The following TACC2 variants were observed in gnomAD, a reference collection of about 807,000 sequenced individuals.
TACC2 encodes transforming acidic coiled-coil containing protein 2.
A neutral mutation model predicts 227.3 loss-of-function variants in TACC2; 137 were observed. The observed-to-expected ratio is 0.60, with a 90% CI of 0.52 to 0.69. The LOEUF is 0.69. TACC2 is among the 30% of genes least tolerant of loss of function. The probability of loss-of-function intolerance (pLI) is 0.00; values close to 1 mark genes in which losing one functional copy is unlikely to be tolerated. For missense variants in TACC2, 3,470 were observed against 3,694.4 expected, an observed-to-expected ratio of 0.94 and a Z score of 1.57; for synonymous variants, 1,523 against 1,487.5, an observed-to-expected ratio of 1.02 and a Z score of -0.55.
chr10:122,119,443 C>T (rs570903982), intron 5 of TACC2, among the ~76,000 whole-genome samples: 80 of 152,266 alleles, frequency 5.3e-4, no homozygotes, highest in Non-Finnish European at 9.8e-4. Context: ...GGTGAGTCAG[C>T]GCACCTGTGG....
At chr10:122,020,954 G>A (rs978505984) in intron 1 of TACC2, among the ~76,000 whole-genome samples, 2 of 152,244 alleles carry the variant, frequency 1.3e-5, no homozygotes, top group Admixed American at 6.5e-5. Context: ...TTAATAGGCC[G>A]GGCGCGGTGG....
rs745336794 is a variant in TACC2, at chr10:122,084,559, A to G, written c.2059A>G (p.Ile687Val). 3 of 1,613,638 alleles carry G rather than the reference A, an allele frequency of 1.9e-6. No individual in the cohort carries two copies. In the Admixed American group the frequency reaches 5.0e-5, roughly 27 times the overall value. ...AGEPTVPEGA[I>V]WEGSGLQPKC... ...TGAGCCCACTGTTCCCGAAGGAGCC[A>G]TCTGGGAGGGGTCAGGATTGCAGCC... Residue 687 changes from isoleucine to valine, a missense_variant, in exon 4 of 23, where the codon ATC (isoleucine) becomes GTC (valine). Physicochemically the swap from Ile to Val is conservative, Grantham distance 29. Around this residue, in one of 10 missense-constraint regions of TACC2, gnomAD observed 1,924 missense variants for 1,978.3 expected, o/e 0.97. Transcript: ENST00000369005.
chr10:122,169,427 G>T (rs1437825953), intron 7 of TACC2, among the ~76,000 whole-genome samples: 1 of 152,232 alleles, frequency 6.6e-6, no homozygotes, highest in African/African-American at 2.4e-5. Context: ...TTCTGTAAAA[G>T]ACCTCATAGT....
At chr10:122,051,689 G>C (rs1339159603) in intron 3 of TACC2, 1 of 151,298 alleles carries the variant, frequency 6.6e-6, no homozygotes, top group African/African-American at 2.4e-5. Context: ...TGGAATGATA[G>C]GCCCCTGTCA....
intron 8 of TACC2, among the ~76,000 whole-genome samples, chr10:122,199,918 C>A (rs980849430): frequency 3.3e-5 from 5 of 152,200 alleles, no homozygotes; most frequent in African/African-American, 1.2e-4. Flanking sequence ...GGGCACTAAT[C>A]CACTCATGAG....
At chr10:122,163,667 G>GCTCGCCGGC in intron 7 of TACC2, 2 of 1,057,840 alleles carry the variant, frequency 1.9e-6, no homozygotes, top group Non-Finnish European at 2.3e-6. Flanking sequence ...GCAGAGCCGC[G>GCTCGCCGGC]CACGCCGGCC....
intron 3 of TACC2, among the ~76,000 whole-genome samples, chr10:122,073,881 A>G (rs1047315091): frequency 2.6e-5 from 4 of 151,828 alleles, no homozygotes; most frequent in East Asian, 3.9e-4. Flanking sequence ...CTGGGTTCAC[A>G]CCATTCTCCT....
chr10:122,086,881 A>C lies in TACC2; in HGVS notation c.4381A>C (p.Thr1461Pro). ...LLDGPPGVDVTLLPAPPARLQ... is the reference protein window; with the variant it reads ...LLDGPPGVDVPLLPAPPARLQ... Reference sequence around the variant, plus strand: ...AGATGGGCCTCCAGGAGTGGATGTCACCCTTCTCCCTGCACCTCCTGCTCG... The same window carrying C: ...AGATGGGCCTCCAGGAGTGGATGTCCCCCTTCTCCCTGCACCTCCTGCTCG... Residue 1461 changes from threonine (T) to proline (P), a missense_variant, in exon 4 of 23, where the codon ACC becomes CCC. By Grantham distance (38) the Thr-to-Pro change is conservative (BLOSUM62 -1). Transcript: ENST00000369005. The C allele has an allele frequency of 6.2e-7, 1 of 1,613,862 alleles. No individual in the cohort carries two copies. Among genetic ancestry groups the C allele is most frequent in the Non-Finnish European group, 8.5e-7 (1 of 1,179,976 alleles).
intron 14 of TACC2, among the ~76,000 whole-genome samples, chr10:122,228,567 C>G (rs2095672095): frequency 1.3e-5 from 2 of 152,300 alleles, no homozygotes; most frequent in South Asian, 4.1e-4. Flanking sequence ...ATGCCACGGT[C>G]TTCCACACAT....
intron 2 of TACC2, among the ~76,000 whole-genome samples, chr10:122,041,441 CTTTTT>C (rs537169387): frequency 1.4e-5 from 2 of 140,190 alleles, no homozygotes; most frequent in Non-Finnish European, 3.1e-5. Flanking sequence ...AGTTTCCTTT[CTTTTT>C]TTTTTTTTTT....
chr10:122,004,630 T>G (rs1954838364), intron 1 of TACC2, among the ~76,000 whole-genome samples: 1 of 152,072 alleles, frequency 6.6e-6, no homozygotes. Context: ...TTTTTCCACA[T>G]TCCTATGATT....
chr10:122,128,808 A>T (rs1246139636), intron 5 of TACC2, among the ~76,000 whole-genome samples: 1 of 152,184 alleles, frequency 6.6e-6, no homozygotes, highest in Non-Finnish European at 1.5e-5. Flanking sequence ...ACCGAAAGAG[A>T]ATTACCGTTA....
intron 7 of TACC2, among the ~76,000 whole-genome samples, chr10:122,181,879 CT>C (rs11415310): frequency 6.6e-6 from 1 of 151,930 alleles, no homozygotes; most frequent in Non-Finnish European, 1.5e-5. Flanking sequence ...TATTCTTTTT[CT>C]TTTTTTTATC....
At chr10:122,168,079 T>G (rs2093285306) in intron 7 of TACC2, among the ~76,000 whole-genome samples, 1 of 20,666 alleles carries the variant, frequency 4.8e-5, no homozygotes, top group Non-Finnish European at 8.4e-5. Context: ...TTTTAAATAA[T>G]TTTTTGTAGA....
At chr10:122,125,732 C>T (rs1010321603) in intron 5 of TACC2, among the ~76,000 whole-genome samples, 2 of 149,762 alleles carry the variant, frequency 1.3e-5, no homozygotes, top group African/African-American at 4.9e-5. Context: ...TGTAATCAGT[C>T]AGCATTTGGT....
At chr10:122,142,388 G>C (rs529784247) in intron 6 of TACC2, among the ~76,000 whole-genome samples, 1 of 152,358 alleles carries the variant, frequency 6.6e-6, no homozygotes, top group South Asian at 2.1e-4. Flanking sequence ...AGGCCAGGAC[G>C]GTGAGGGGCT....
At chr10:122,037,412 C>T (rs1163999578) in intron 2 of TACC2, among the ~76,000 whole-genome samples, 3 of 152,186 alleles carry the variant, frequency 2.0e-5, no homozygotes, top group Admixed American at 6.5e-5. Context: ...GGTGAGACTC[C>T]AGCAGTCAGG....
intron 1 of TACC2, among the ~76,000 whole-genome samples, chr10:122,009,430 G>T (rs1955650899): frequency 6.6e-6 from 1 of 152,020 alleles, no homozygotes; most frequent in African/African-American, 2.4e-5. Context: ...CTCAAATCTG[G>T]GAGGCAGAGG....
At chr10:122,245,927 C>G (rs939552287) in intron 19 of TACC2, among the ~76,000 whole-genome samples, 4 of 152,180 alleles carry the variant, frequency 2.6e-5, no homozygotes, top group Non-Finnish European at 5.9e-5. Flanking sequence ...AGAGCTCGAA[C>G]TCAGGCAGTT....
Sources: gnomAD v4.1 joint callset for allele counts (sites outside exome capture counted in the v4.1 genomes callset) on GRCh38, gnomAD v4.1.1 for gene constraint, gnomAD v4.1.1 regional missense constraint, MANE v1.5 for transcripts, NCBI Gene and HGNC (gene_info 2026-07-23, HGNC 2026-07-21) for gene names.